PTK7: variants seen among roughly 807,000 people sequenced by gnomAD.
PTK7 encodes the protein protein tyrosine kinase 7 (inactive), also known as inactive tyrosine-protein kinase 7.
Under a neutral mutation model 116.6 loss-of-function variants are expected in PTK7, and 39 were observed. The observed-to-expected ratio is 0.33, with a 90% CI of 0.26 to 0.44. PTK7 has a LOEUF of 0.44. Ranked by LOEUF, PTK7 falls within the 20% of genes least tolerant of loss-of-function variation. The pLI is 1.00. For missense variants in PTK7, 1,169 were observed against 1,425.6 expected (o/e 0.82, Z 2.90); for synonymous variants, 546 against 563.6 (o/e 0.97, Z 0.44).
intron 1 of PTK7, among the ~76,000 whole-genome samples, chr6:43,079,444 C>T (rs542114427): frequency 1.6e-5 from 2 of 121,926 alleles, no homozygotes. Flanking sequence ...TGGGCGAGAT[C>T]GTGCCGAGAT....
At chr6:43,118,102 C>CTTTT (rs10591741) in intron 1 of PTK7, among the ~76,000 whole-genome samples, 10 of 123,130 alleles carry the variant, frequency 8.1e-5, no homozygotes, top group African/African-American at 2.4e-4. Context: ...TCAGATGGGC[C>CTTTT]TTTTTTTTTT....
At chr6:43,108,279 G>C (rs1768006726) in intron 1 of PTK7, among the ~76,000 whole-genome samples, 1 of 148,544 alleles carries the variant, frequency 6.7e-6, no homozygotes, top group Non-Finnish European at 1.5e-5. Context: ...ATTTTTAGTA[G>C]AGACGGGGTT....
intron 1 of PTK7, among the ~76,000 whole-genome samples, chr6:43,084,733 A>T (rs547980872): frequency 6.6e-6 from 1 of 152,226 alleles, no homozygotes; most frequent in Non-Finnish European, 1.5e-5. Context: ...TAAGTAGAAT[A>T]GAAGAACATT....
At chr6:43,096,899 T>A (rs141272346) in intron 1 of PTK7, among the ~76,000 whole-genome samples, 1 of 118,102 alleles carries the variant, frequency 8.5e-6, no homozygotes, top group Non-Finnish European at 1.8e-5. Context: ...TAAGGCAACA[T>A]GACCAGTTTG....
intron 17 of PTK7, among the ~76,000 whole-genome samples, chr6:43,148,062 G>A (rs1314309146): frequency 6.6e-6 from 1 of 152,120 alleles, no homozygotes; most frequent in Non-Finnish European, 1.5e-5. Context: ...AGACCAGCCT[G>A]GGCAACATAG....
chr6:43,151,556 G>C, intron 17 of PTK7, among the ~76,000 whole-genome samples: 1 of 137,856 alleles, frequency 7.3e-6, no homozygotes, highest in Admixed American at 7.5e-5. Context: ...TTTCGGAGAC[G>C]GAGTCTCACT....
In PTK7 at chr6:43,134,334, C is replaced by T. The variant is rs528197626; in HGVS notation, c.1228+1647C>T. On this transcript the variant is annotated intron_variant, in intron 7 of 19. Coordinates refer to ENST00000230419, the MANE Select transcript of PTK7 (RefSeq NM_002821.5). ...GATTATGGGTGTGAGCTGCCATGCCCGGCCTCATTAGGGATACTTTTTAAA... is the reference window on the plus strand; with the variant it reads ...GATTATGGGTGTGAGCTGCCATGCCTGGCCTCATTAGGGATACTTTTTAAA... Among the ~76,000 whole-genome samples the T allele has an allele frequency of 5.0e-3, 759 of 152,074 alleles. 8 individuals carry two copies. Among genetic ancestry groups the T allele is most frequent in the African/African-American group, 0.016 (645 of 41,474 alleles).
intron 17 of PTK7, among the ~76,000 whole-genome samples, chr6:43,152,451 C>T (rs531651356): frequency 6.2e-4 from 94 of 152,212 alleles, no homozygotes; most frequent in Non-Finnish European, 1.2e-3. Flanking sequence ...ATTGCTTGAA[C>T]TTGGGAGGCG....
chr6:43,142,547 T>C, intron 13 of PTK7: 1 of 619,674 alleles, frequency 1.6e-6, no homozygotes. Context: ...GGTGTTCTCT[T>C]CCTACAATGC....
chr6:43,093,384 G>A (rs9472005), intron 1 of PTK7, among the ~76,000 whole-genome samples: 2 of 152,022 alleles, frequency 1.3e-5, no homozygotes, highest in African/African-American at 4.8e-5. Context: ...GAAAGGCTGA[G>A]CTGGGGGACA....
Position 43,076,700 on chromosome 6 carries a change from A to G in PTK7, c.79+133A>G. ...TAGTGGAGAGGCTCGCTGGGGGTGC[A>G]GGCTTGCGGCGGAAGGGCGCAAGGA... On this transcript the variant is annotated intron_variant, in intron 1 of 19. Transcript: ENST00000230419. The surrounding 1 kb of genome is among the most constrained non-coding windows in gnomAD (Gnocchi z 5.7). The G allele has an allele frequency of 7.2e-7, 1 of 1,381,882 alleles. No individual in the cohort carries two copies. The allele number at this position is 1,381,882 out of a possible 1,614,324, so 85.6% of individuals were successfully genotyped here.
At chr6:43,147,492 T>G (rs1450252693) in intron 17 of PTK7, among the ~76,000 whole-genome samples, 1 of 152,128 alleles carries the variant, frequency 6.6e-6, no homozygotes, top group African/African-American at 2.4e-5. Flanking sequence ...AGAGTCTGCT[T>G]CCAAGCTGGC....
At chr6:43,079,857 AAGACC>A (rs1424096956) in intron 1 of PTK7, among the ~76,000 whole-genome samples, 2 of 150,100 alleles carry the variant, frequency 1.3e-5, no homozygotes, top group African/African-American at 4.9e-5. Flanking sequence ...CCAGGGGCTC[AAGACC>A]AGCCTTGGCA....
At chr6:43,102,428 GA>G (rs1201820308) in intron 1 of PTK7, among the ~76,000 whole-genome samples, 20 of 146,114 alleles carry the variant, frequency 1.4e-4, no homozygotes, top group South Asian at 6.5e-4. Flanking sequence ...CTGTCTCAAA[GA>G]AAAAAAAAAA....
In PTK7 at chr6:43,143,047, G is replaced by A. The variant is rs1267928335; in HGVS notation, c.2048-370G>A. 1.4e-5 allele frequency: 3 copies of A among 211,816 alleles called. No individual in the cohort carries two copies. Among genetic ancestry groups the A allele is most frequent in the African/African-American group, 7.0e-5 (3 of 42,838 alleles). The allele number at this position is 211,816 out of a possible 1,614,324, so 13.1% of individuals were successfully genotyped here. ...ACCTGCTCTGTGCCAGGCAGTGCCT[G>A]GAATTCTAAACCTGAAGCTCCCAAA... On this transcript the variant is annotated intron_variant, in intron 13 of 19. Transcript: ENST00000230419. This position sits in a 1 kb window ranked among gnomAD's most constrained non-coding sequence, Gnocchi z 4.2.
intron 1 of PTK7, among the ~76,000 whole-genome samples, chr6:43,117,710 T>G (rs1156975289): frequency 2.0e-5 from 3 of 152,034 alleles, no homozygotes; most frequent in East Asian, 3.9e-4. Flanking sequence ...GAGGCCAAGG[T>G]GGGCAGATCA....
intron 1 of PTK7, among the ~76,000 whole-genome samples, chr6:43,080,360 CA>C (rs1040125861): frequency 2.0e-5 from 3 of 151,876 alleles, no homozygotes; most frequent in African/African-American, 7.3e-5. Context: ...TCAAAAAAAA[CA>C]AAAAAATCTG....
At chr6:43,155,281 T>C (rs988642636) in intron 17 of PTK7, among the ~76,000 whole-genome samples, 3 of 152,152 alleles carry the variant, frequency 2.0e-5, no homozygotes, top group African/African-American at 7.2e-5. Flanking sequence ...CCCCACCCTC[T>C]TGAGTAGCTG....
chr6:43,077,414 C>T (rs1182089705), intron 1 of PTK7, among the ~76,000 whole-genome samples: 1 of 152,142 alleles, frequency 6.6e-6, no homozygotes, highest in Admixed American at 6.5e-5. Context: ...AGAGCTCATT[C>T]TGGCTTTTCT....
Sources: gnomAD v4.1 joint callset for allele counts (sites outside exome capture counted in the v4.1 genomes callset) on GRCh38, gnomAD v4.1.1 for gene constraint, Gnocchi (gnomAD v3.1) non-coding constraint, MANE v1.5 for transcripts, NCBI Gene and HGNC (gene_info 2026-07-23, HGNC 2026-07-21) for gene names.